Variants in NCAM2 observed in about 807,000 individuals in gnomAD.
NCAM2 encodes neural cell adhesion molecule 2, also known as N-CAM-2.
NCAM2 carries 30 observed loss-of-function variants against 98.1 expected under a neutral mutation model. That is an observed-to-expected ratio of 0.31 (90% CI 0.23 to 0.41). NCAM2 has a LOEUF of 0.41. Among genes scored for constraint, NCAM2 ranks in the 10% least tolerant of loss-of-function variants. The pLI is 1.00. For synonymous variants in NCAM2, 368 were observed against 342.4 expected (o/e 1.07, Z -0.83); for missense variants, 867 against 1,005.8 (o/e 0.86, Z 1.87).
At chr21:21,138,056 A>G (rs1355373430) in intron 1 of NCAM2, among the ~76,000 whole-genome samples, 1 of 152,102 alleles carries the variant, frequency 6.6e-6, no homozygotes. Flanking sequence ...GAACAGAGAA[A>G]CTCATGTCTT....
chr21:21,453,558 T>C (rs1981664516), intron 12 of NCAM2, among the ~76,000 whole-genome samples: 1 of 152,102 alleles, frequency 6.6e-6, no homozygotes, highest in South Asian at 2.1e-4. Context: ...GGAGAGGTCA[T>C]TTTTAAGTAC....
chr21:21,207,019 C>T (rs2069461517), intron 1 of NCAM2, among the ~76,000 whole-genome samples: 1 of 152,122 alleles, frequency 6.6e-6, no homozygotes, highest in Non-Finnish European at 1.5e-5. Context: ...AAAACCACAT[C>T]CGTTCACATT....
intron 5 of NCAM2, among the ~76,000 whole-genome samples, chr21:21,310,525 TA>T (rs1421413262): frequency 5.3e-5 from 8 of 152,156 alleles, no homozygotes; most frequent in Non-Finnish European, 7.4e-5. Flanking sequence ...TAGGCAGAAT[TA>T]AAAATGTTTT....
At chr21:21,478,919 T>C (rs1985497776) in intron 15 of NCAM2, among the ~76,000 whole-genome samples, 1 of 152,176 alleles carries the variant, frequency 6.6e-6, no homozygotes, top group African/African-American at 2.4e-5. Context: ...TGACTGAATG[T>C]ACTATCGAAT....
At chr21:21,159,449 G>A (rs2067715077) in intron 1 of NCAM2, among the ~76,000 whole-genome samples, 1 of 152,036 alleles carries the variant, frequency 6.6e-6, no homozygotes, top group African/African-American at 2.4e-5. Flanking sequence ...CTCCATTTAT[G>A]GTAATTGGCC....
chr21:21,533,498 C>A (rs1166099040), intron 16 of NCAM2, among the ~76,000 whole-genome samples: 2 of 151,858 alleles, frequency 1.3e-5, no homozygotes, highest in African/African-American at 4.8e-5. Flanking sequence ...TACCGATGGA[C>A]CACAGCTTAC....
intron 15 of NCAM2, among the ~76,000 whole-genome samples, chr21:21,483,421 T>G (rs1484683672): frequency 6.6e-6 from 1 of 152,026 alleles, no homozygotes; most frequent in Non-Finnish European, 1.5e-5. Context: ...TCAGTTACTT[T>G]GTATTTTCAT....
chr21:21,531,320 A>T (rs1034142250), intron 16 of NCAM2, among the ~76,000 whole-genome samples: 1 of 152,190 alleles, frequency 6.6e-6, no homozygotes, highest in African/African-American at 2.4e-5. Context: ...CTTAAAATTG[A>T]AAGTTTCAGT....
At chr21:21,323,914 G>A (rs1026354163) in intron 5 of NCAM2, among the ~76,000 whole-genome samples, 3 of 152,134 alleles carry the variant, frequency 2.0e-5, no homozygotes, top group Non-Finnish European at 2.9e-5. Flanking sequence ...GCATTACACA[G>A]ACCAATGAGA....
chr21:21,290,924 C>T (rs2073268031), intron 4 of NCAM2, among the ~76,000 whole-genome samples: 1 of 151,824 alleles, frequency 6.6e-6, no homozygotes, highest in South Asian at 2.1e-4. Flanking sequence ...AGGATCCTAC[C>T]ATATCCTTTC....
At chr21:21,351,325 C>A (rs887283189) in intron 8 of NCAM2, among the ~76,000 whole-genome samples, 1 of 151,852 alleles carries the variant, frequency 6.6e-6, no homozygotes, top group African/African-American at 2.4e-5. Flanking sequence ...GTAGGGCTAT[C>A]CAAAAATAAA....
chr21:21,202,408 CTTTTTTT>C (rs11385750), intron 1 of NCAM2, among the ~76,000 whole-genome samples: 3 of 80,196 alleles, frequency 3.7e-5, no homozygotes, highest in South Asian at 5.8e-4. Context: ...AGCAAATATC[CTTTTTTT>C]TTTTTTTTTT....
chr21:21,230,851 T>G (rs1363520179), intron 1 of NCAM2, among the ~76,000 whole-genome samples: 2 of 151,296 alleles, frequency 1.3e-5, no homozygotes, highest in African/African-American at 4.8e-5. Context: ...CTTCTGGTAA[T>G]ACCTATGGAG....
intron 12 of NCAM2, among the ~76,000 whole-genome samples, chr21:21,447,175 A>C (rs925193570): frequency 2.6e-5 from 4 of 152,182 alleles, no homozygotes; most frequent in African/African-American, 7.2e-5. Context: ...CAGTAGCAAA[A>C]ACAGCATGTT....
rs370760599 is a variant in NCAM2 at position 21,418,442 on chromosome 21, A to G, written c.1384-31A>G. 3.7e-5 allele frequency: 56 copies of G among 1,507,338 alleles called. No homozygotes were observed. The East Asian group carries it at 7.7e-4, about 21-fold the overall frequency. 93.4% of individuals were successfully genotyped at this position (1,507,338 alleles called of 1,614,324 possible). On this transcript the variant is annotated intron_variant, in intron 10 of 17. Coordinates refer to ENST00000400546, the MANE Select transcript of NCAM2 (RefSeq NM_004540.5). ...TATAAAACTTCTGTGATGTTTTAGA[A>G]TTGTAACATTTGTTATTATAATTAT...
intron 5 of NCAM2, among the ~76,000 whole-genome samples, chr21:21,322,900 C>CGT (rs938970306): frequency 2.6e-5 from 4 of 152,146 alleles, no homozygotes; most frequent in African/African-American, 7.2e-5. Context: ...TAGTCCACCA[C>CGT]GTCCATGTTA....
intron 1 of NCAM2, among the ~76,000 whole-genome samples, chr21:21,130,350 A>G (rs1242035411): frequency 6.6e-6 from 1 of 152,146 alleles, no homozygotes; most frequent in Non-Finnish European, 1.5e-5. Context: ...AAATGTAGTT[A>G]ATAAAATATT....
intron 10 of NCAM2, among the ~76,000 whole-genome samples, chr21:21,414,221 C>G (rs1328185472): frequency 6.6e-6 from 1 of 152,186 alleles, no homozygotes; most frequent in Non-Finnish European, 1.5e-5. Flanking sequence ...TCCACCGCAT[C>G]TGCAGTTACT....
At chr21:21,481,100 G>A (rs1465449920) in intron 15 of NCAM2, among the ~76,000 whole-genome samples, 1 of 152,306 alleles carries the variant, frequency 6.6e-6, no homozygotes, top group East Asian at 1.9e-4. Flanking sequence ...ACCCGTCTAA[G>A]CAATGCCTAA....
Sources: allele counts gnomAD v4.1 joint callset (sites outside exome capture counted in the v4.1 genomes callset), GRCh38; gene constraint gnomAD v4.1.1; transcripts MANE v1.5; gene names NCBI Gene and HGNC (gene_info 2026-07-23, HGNC 2026-07-21).